MACROD2: variants seen among roughly 807,000 people sequenced by gnomAD.
MACROD2 encodes the protein ADP-ribose glycohydrolase MACROD2.
MACROD2 carries 36 observed loss-of-function variants against 70.4 expected under a neutral mutation model. The ratio of observed to expected loss-of-function variants is 0.51; its 90% CI spans 0.39 to 0.68. The LOEUF is 0.68. Among genes scored for constraint, MACROD2 ranks in the 30% least tolerant of loss-of-function variants. The pLI, the probability that MACROD2 is intolerant of heterozygous loss-of-function variation, is 0.00. For synonymous variants in MACROD2, 172 were observed against 178.8 expected (o/e 0.96, Z 0.30); for missense variants, 496 against 538.4 (o/e 0.92, Z 0.78).
chr20:14,979,630 C>T (rs1038412049), intron 5 of MACROD2, among the ~76,000 whole-genome samples: 29 of 152,106 alleles, frequency 1.9e-4, no homozygotes, highest in African/African-American at 4.8e-4. Flanking sequence ...AATTGTGCTT[C>T]GACATAAATG....
chr20:14,387,306 G>T (rs1217301575), intron 3 of MACROD2, among the ~76,000 whole-genome samples: 2 of 152,092 alleles, frequency 1.3e-5, no homozygotes, highest in African/African-American at 4.8e-5. Context: ...CCTCTCCAAG[G>T]ATTGCTGTTG....
intron 3 of MACROD2, among the ~76,000 whole-genome samples, chr20:14,483,190 A>G (rs1340378523): frequency 6.6e-6 from 1 of 152,198 alleles, no homozygotes; most frequent in Non-Finnish European, 1.5e-5. Flanking sequence ...CTTGTACAAA[A>G]GCAGTGGGTG....
chr20:14,393,798 G>T (rs2083552247), intron 3 of MACROD2, among the ~76,000 whole-genome samples: 1 of 152,166 alleles, frequency 6.6e-6, no homozygotes, highest in South Asian at 2.1e-4. Context: ...TCCCAAACGT[G>T]ATTAGATTAG....
At chr20:15,215,478 T>C (rs2145955375) in intron 5 of MACROD2, among the ~76,000 whole-genome samples, 1 of 152,234 alleles carries the variant, frequency 6.6e-6, no homozygotes, top group Non-Finnish European at 1.5e-5. Context: ...ACATTACTAG[T>C]GTTCTTTTCT....
chr20:14,717,029 CA>C (rs1004432143), intron 5 of MACROD2, among the ~76,000 whole-genome samples: 5 of 150,750 alleles, frequency 3.3e-5, no homozygotes, highest in African/African-American at 7.3e-5. Context: ...AAATTTAAAA[CA>C]AAAAAAAATT....
intron 8 of MACROD2, among the ~76,000 whole-genome samples, chr20:15,763,865 T>C (rs1039591239): frequency 6.6e-6 from 1 of 152,186 alleles, no homozygotes; most frequent in Non-Finnish European, 1.5e-5. Context: ...TTATAATGCA[T>C]GAATAAAAAG....
intron 16 of MACROD2, among the ~76,000 whole-genome samples, 171 bp downstream of exon 16, chr20:16,041,449 A>AT (rs1376735539): frequency 6.6e-5 from 10 of 151,958 alleles, no homozygotes; most frequent in Non-Finnish European, 1.5e-4. Flanking sequence ...GCAACCTCTT[A>AT]TTTAAAAAAA....
chr20:15,791,378 C>T (rs888082105), intron 8 of MACROD2, among the ~76,000 whole-genome samples: 3 of 151,630 alleles, frequency 2.0e-5, no homozygotes, highest in African/African-American at 7.2e-5. Context: ...TAGGCCATGT[C>T]AATCTGTATA....
intron 5 of MACROD2, among the ~76,000 whole-genome samples, chr20:14,742,778 T>A (rs540910987): frequency 3.0e-4 from 46 of 151,546 alleles, no homozygotes; most frequent in African/African-American, 5.6e-4. Context: ...ATTTTATTTT[T>A]TTTTTTGAGA....
intron 3 of MACROD2, among the ~76,000 whole-genome samples, chr20:14,477,446 G>GATTTTACAT (rs1182655595): frequency 1.3e-5 from 2 of 152,128 alleles, no homozygotes; most frequent in African/African-American, 4.8e-5. Flanking sequence ...TGTAGCACAA[G>GATTTTACAT]ATTTTACATA....
At chr20:14,883,920 G>C (rs1324957049) in intron 5 of MACROD2, among the ~76,000 whole-genome samples, 3 of 149,464 alleles carry the variant, frequency 2.0e-5, no homozygotes, top group African/African-American at 7.2e-5. Flanking sequence ...TTCTGGTTTT[G>C]TTATATTAAT....
intron 8 of MACROD2, among the ~76,000 whole-genome samples, chr20:15,680,052 C>T (rs1038013908): frequency 6.6e-6 from 1 of 152,052 alleles, no homozygotes; most frequent in African/African-American, 2.4e-5. Context: ...ATGGATGCAC[C>T]ATGGAACCCG....
chr20:15,133,240 A>G (rs1426008105), intron 5 of MACROD2, among the ~76,000 whole-genome samples: 1 of 152,108 alleles, frequency 6.6e-6, no homozygotes, highest in African/African-American at 2.4e-5. Context: ...TGAGGAGAAA[A>G]CAGTATGAGA....
In MACROD2 at chr20:14,751,573, T is replaced by C. The variant is rs1217759605; in HGVS notation, c.418+66614T>C. Among the ~76,000 whole-genome samples, 5 of 152,058 alleles carry C rather than the reference T, an allele frequency of 3.3e-5. No homozygotes were observed. In the East Asian group the frequency reaches 7.7e-4, roughly 23 times the overall value. On this transcript the variant is annotated intron_variant, in intron 5 of 17. Coordinates refer to ENST00000684519, the MANE Select transcript of MACROD2 (RefSeq NM_001351661.2). ...ACTTCAGGGGCAAACAATTCTGAAG[T>C]TAAATAAAGCACTGCCTAGTTCTTG...
chr20:15,850,510 CTG>C (rs1283500267), intron 8 of MACROD2, among the ~76,000 whole-genome samples: 2 of 152,234 alleles, frequency 1.3e-5, no homozygotes, highest in Non-Finnish European at 2.9e-5. Context: ...CACCTCCAGA[CTG>C]TGTGGGCCCG....
chr20:15,334,461 T>A (rs535170133), intron 6 of MACROD2, among the ~76,000 whole-genome samples: 1 of 151,816 alleles, frequency 6.6e-6, no homozygotes, highest in African/African-American at 2.4e-5. Context: ...AACCTCTAAT[T>A]AGCTTTTTGA....
At chr20:15,840,028 A>C (rs992355329) in intron 8 of MACROD2, among the ~76,000 whole-genome samples, 4 of 152,178 alleles carry the variant, frequency 2.6e-5, no homozygotes, top group Non-Finnish European at 5.9e-5. Context: ...ATGCCTGAAA[A>C]ATAGAAACTG....
intron 2 of MACROD2, among the ~76,000 whole-genome samples, chr20:14,064,143 C>T (rs1051668386): frequency 7.9e-5 from 12 of 152,204 alleles, no homozygotes; most frequent in African/African-American, 2.4e-4. Flanking sequence ...CTTTCTCCTC[C>T]GTGGGCTTCT....
intron 8 of MACROD2, among the ~76,000 whole-genome samples, chr20:15,680,027 C>T (rs1424222832): frequency 6.6e-6 from 1 of 152,034 alleles, no homozygotes; most frequent in East Asian, 1.9e-4. Context: ...AAAGGGAAGC[C>T]CTGCCCCTGA....
Sources: gnomAD v4.1 joint callset for allele counts (sites outside exome capture counted in the v4.1 genomes callset) on GRCh38, gnomAD v4.1.1 for gene constraint, MANE v1.5 for transcripts, NCBI Gene and HGNC (gene_info 2026-07-23, HGNC 2026-07-21) for gene names.